Variants in BICDL1 observed in about 807,000 individuals in gnomAD.
BICDL1 encodes the protein BICD family-like cargo adapter 1.
A neutral mutation model predicts 76.8 loss-of-function variants in BICDL1; 20 were observed. The ratio of observed to expected loss-of-function variants is 0.26; its 90% confidence interval spans 0.18 to 0.38. BICDL1 has a LOEUF of 0.38. BICDL1 is among the 10% of genes least tolerant of loss of function. The pLI is 1.00. For synonymous variants in BICDL1, 383 were observed against 337.1 expected, an observed-to-expected ratio of 1.14 and a Z score of -1.49; for missense variants, 700 against 798.6, an observed-to-expected ratio of 0.88 and a Z score of 1.49.
At chr12:120,077,342 C>T (rs1239056028) in intron 7 of BICDL1, among the ~76,000 whole-genome samples, 3 of 152,218 alleles carry the variant, frequency 2.0e-5, no homozygotes, top group East Asian at 3.8e-4. Flanking sequence ...CCTCCTACCC[C>T]ACTCCCATCA....
intron 2 of BICDL1, among the ~76,000 whole-genome samples, chr12:120,012,135 T>G (rs1951966972): frequency 6.6e-6 from 1 of 152,160 alleles, no homozygotes; most frequent in African/African-American, 2.4e-5. Flanking sequence ...GGGCGGCTTC[T>G]CCTCTCACCC....
intron 9 of BICDL1, chr12:120,092,267 T>C (rs1670209475): frequency 1.0e-6 from 1 of 985,306 alleles, no homozygotes; most frequent in South Asian, 4.7e-5. Flanking sequence ...TGGGGCGGGC[T>C]GTGGGGAGGA....
chr12:120,092,004 A>G (rs1875015215), intron 9 of BICDL1: 1 of 985,340 alleles, frequency 1.0e-6, no homozygotes, highest in African/African-American at 1.7e-5. Context: ...GGGTCTTACC[A>G]GGATGCCGCA....
chr12:120,024,879 T>C (rs746221502), intron 2 of BICDL1, among the ~76,000 whole-genome samples: 6 of 152,006 alleles, frequency 3.9e-5, no homozygotes, highest in Non-Finnish European at 2.9e-5. Context: ...ATTTTCACCA[T>C]GTTGGCCAGA....
intron 2 of BICDL1, chr12:120,057,266 T>C (rs535225657): frequency 1.9e-5 from 7 of 371,378 alleles, no homozygotes; most frequent in South Asian, 1.2e-4. Flanking sequence ...CCTTCCACCT[T>C]GGCCTCCCAA....
chr12:120,000,113 G>A (rs1451886754), intron 2 of BICDL1, among the ~76,000 whole-genome samples: 1 of 152,200 alleles, frequency 6.6e-6, no homozygotes. Flanking sequence ...CCACCAATGG[G>A]GAAGGGAGGA....
intron 2 of BICDL1, among the ~76,000 whole-genome samples, chr12:120,005,695 G>A (rs950872703): frequency 1.4e-4 from 21 of 152,064 alleles, no homozygotes; most frequent in African/African-American, 4.3e-4. Context: ...TAAACAAAAT[G>A]GTTTTCTTAA....
At chr12:120,022,175 A>T (rs1242350868) in intron 2 of BICDL1, among the ~76,000 whole-genome samples, 2 of 150,178 alleles carry the variant, frequency 1.3e-5, no homozygotes, top group African/African-American at 4.8e-5. Context: ...TGAGGAAGCC[A>T]TGTCAGATAA....
chr12:120,092,525 G>A, intron 9 of BICDL1: 1 of 985,504 alleles, frequency 1.0e-6, no homozygotes, highest in Non-Finnish European at 1.2e-6. Flanking sequence ...GAAAGGAAAA[G>A]GCAGGAGGAG....
At chr12:120,051,994 G>T (rs1952869185) in intron 2 of BICDL1, among the ~76,000 whole-genome samples, 1 of 152,062 alleles carries the variant, frequency 6.6e-6, no homozygotes, top group Non-Finnish European at 1.5e-5. Context: ...AGGCTGGAGT[G>T]CAGTGGCATG....
rs376461601 is a variant in BICDL1, at chr12:120,076,955, C to G, written c.1452+2369C>G. Among the ~76,000 whole-genome samples the G allele has an allele frequency of 2.0e-5, 3 of 152,368 alleles. No homozygotes were observed. In the East Asian group the frequency reaches 5.8e-4, roughly 29 times the overall value. On this transcript the variant is annotated intron_variant, in intron 7 of 9. Coordinates refer to ENST00000548673, the MANE Select transcript of BICDL1 (RefSeq NM_001367886.1). ...AGGCACCAGATGGATGTGCAGGGCC[C>G]CTGCTCTCTAGGACCCCACAGTGCC...
chr12:120,062,773 G>A (rs1953133553), intron 3 of BICDL1, among the ~76,000 whole-genome samples: 1 of 152,158 alleles, frequency 6.6e-6, no homozygotes, highest in South Asian at 2.1e-4. Context: ...AGTAAGTAGA[G>A]TTTGTTCCAG....
intron 2 of BICDL1, among the ~76,000 whole-genome samples, chr12:120,011,592 C>G (rs980192864): frequency 6.6e-6 from 1 of 151,996 alleles, no homozygotes; most frequent in African/African-American, 2.4e-5. Context: ...GGGTAAATTC[C>G]TTTGAAGTTA....
chr12:119,995,667 A>G (rs1241845192), intron 1 of BICDL1, among the ~76,000 whole-genome samples: 1 of 152,174 alleles, frequency 6.6e-6, no homozygotes, highest in Non-Finnish European at 1.5e-5. Flanking sequence ...TCTGCATTCC[A>G]TCTTGCTGAA....
intron 2 of BICDL1, among the ~76,000 whole-genome samples, chr12:120,008,257 C>T (rs1020332929): frequency 7.0e-6 from 1 of 143,700 alleles, no homozygotes; most frequent in Non-Finnish European, 1.5e-5. Flanking sequence ...CTCCTGGGAT[C>T]AGGTGATCCT....
intron 8 of BICDL1, among the ~76,000 whole-genome samples, chr12:120,081,881 T>A (rs923166247): frequency 6.7e-5 from 10 of 149,868 alleles, no homozygotes; most frequent in African/African-American, 2.5e-4. Flanking sequence ...CAAGACATAG[T>A]GTCATCTCCA....
At chr12:119,990,490 C>G (rs1236709004) in intron 1 of BICDL1, among the ~76,000 whole-genome samples, 193 bp downstream of exon 1, 1 of 152,208 alleles carries the variant, frequency 6.6e-6, no homozygotes, top group Non-Finnish European at 1.5e-5. Flanking sequence ...CCACCCCGCT[C>G]ACAGCAAATG....
chr12:120,070,177 A>G (rs749960202), intron 4 of BICDL1, among the ~76,000 whole-genome samples: 2 of 152,238 alleles, frequency 1.3e-5, no homozygotes, highest in Non-Finnish European at 2.9e-5. Flanking sequence ...TATAGATTCT[A>G]TTTAACTTTA....
chr12:120,061,275 A>T (rs1953099033), intron 2 of BICDL1, among the ~76,000 whole-genome samples: 1 of 152,256 alleles, frequency 6.6e-6, no homozygotes, highest in East Asian at 1.9e-4. Context: ...AGAAATGCAG[A>T]TGCACGTGAT....
Sources: gnomAD v4.1 joint callset for allele counts (sites outside exome capture counted in the v4.1 genomes callset) on GRCh38, gnomAD v4.1.1 for gene constraint, MANE v1.5 for transcripts, NCBI Gene and HGNC (gene_info 2026-07-23, HGNC 2026-07-21) for gene names.